PLSCR2: variants seen among roughly 807,000 people sequenced by gnomAD.
The protein encoded by PLSCR2 is phospholipid scramblase 2.
A neutral mutation model predicts 25.3 loss-of-function variants in PLSCR2; 18 were observed. The ratio of observed to expected loss-of-function variants is 0.71; its 90% CI spans 0.49 to 1.06. The LOEUF (loss-of-function observed/expected upper bound fraction) is 1.06. Ranked by LOEUF, PLSCR2 falls within the 50% of genes least tolerant of loss-of-function variation. The probability of loss-of-function intolerance (pLI) is 0.00; values close to 1 mark genes in which losing one functional copy is unlikely to be tolerated. For synonymous variants in PLSCR2, 88 were observed against 87.3 expected (o/e 1.01, Z -0.04); for missense variants, 243 against 269.5 (o/e 0.90, Z 0.69).
intron 2 of PLSCR2, among the ~76,000 whole-genome samples, chr3:146,396,799 C>T (rs190198074): frequency 3.9e-5 from 6 of 152,170 alleles, no homozygotes; most frequent in Admixed American, 6.5e-5. Flanking sequence ...ATATGGGAAA[C>T]GAGAAATATC....
intron 1 of PLSCR2, among the ~76,000 whole-genome samples, chr3:146,469,991 T>G (rs920186905): frequency 6.6e-6 from 1 of 152,090 alleles, no homozygotes; most frequent in Non-Finnish European, 1.5e-5. Context: ...TTAACTCTGC[T>G]CTTGACCTCC....
At chr3:146,482,179 G>A (rs1340547604) in intron 1 of PLSCR2, among the ~76,000 whole-genome samples, 4 of 152,146 alleles carry the variant, frequency 2.6e-5, no homozygotes, top group Non-Finnish European at 5.9e-5. Context: ...AGGACTTCAT[G>A]ACTAAAACAC....
intron 3 of PLSCR2, 110 bp from the exon 4 acceptor site, chr3:146,455,569 A>G (rs1378872667): frequency 2.9e-6 from 2 of 678,514 alleles, no homozygotes; most frequent in African/African-American, 1.8e-5. Context: ...TAGAAAGAAC[A>G]AAAAGGAATG....
chr3:146,490,208 C>G (rs2043496575), intron 1 of PLSCR2, among the ~76,000 whole-genome samples: 1 of 151,866 alleles, frequency 6.6e-6, no homozygotes, highest in South Asian at 2.1e-4. Flanking sequence ...TGTTTGTATT[C>G]AAAAGGGGGA....
chr3:146,456,969 T>C (rs1423098743), intron 3 of PLSCR2, among the ~76,000 whole-genome samples: 1 of 152,068 alleles, frequency 6.6e-6, no homozygotes, highest in Non-Finnish European at 1.5e-5. Context: ...TTGGATTTTA[T>C]AATCTTAATT....
At chr3:146,493,754 C>T (rs571482808) in intron 1 of PLSCR2, among the ~76,000 whole-genome samples, 39 of 61,828 alleles carry the variant, frequency 6.3e-4, no homozygotes, top group African/African-American at 1.8e-3. Context: ...TCTTTGATTT[C>T]TTCTTTCTGT....
chr3:146,447,888 C>CCT (rs2040652604), intron 6 of PLSCR2, among the ~76,000 whole-genome samples: 1 of 152,138 alleles, frequency 6.6e-6, no homozygotes, highest in South Asian at 2.1e-4. Context: ...GGGCAATGCC[C>CCT]CTCTGGCTAA....
chr3:146,441,994 T>C (rs779170136), intron 6 of PLSCR2, among the ~76,000 whole-genome samples, 173 bp from the exon 7 acceptor site: 2 of 152,090 alleles, frequency 1.3e-5, no homozygotes, highest in Admixed American at 6.6e-5. Context: ...CCTTCAGCTA[T>C]CTATTTTAAT....
At chr3:146,483,479 G>GTGTATA (rs571463617) in intron 1 of PLSCR2, among the ~76,000 whole-genome samples, 12 of 54,832 alleles carry the variant, frequency 2.2e-4, no homozygotes, top group East Asian at 5.9e-4. Context: ...ATATACATGT[G>GTGTATA]TATATATATA....
At chr3:146,423,282 T>TCTCTCTCTCTCCCC (rs758576585) in intron 2 of PLSCR2, among the ~76,000 whole-genome samples, 8 of 101,002 alleles carry the variant, frequency 7.9e-5, no homozygotes, top group Admixed American at 1.2e-4. Flanking sequence ...TCTCTCTCTC[T>TCTCTCTCTCTCCCC]CCCTGGCTAG....
downstream of PLSCR2, among the ~76,000 whole-genome samples, chr3:146,432,702 T>C (rs1299123333): frequency 2.0e-5 from 3 of 152,134 alleles, no homozygotes; most frequent in Admixed American, 6.6e-5. Context: ...CTAAATTTGA[T>C]TAAATGCTGC....
chr3:146,480,446 A>G (rs1360987164), intron 1 of PLSCR2, among the ~76,000 whole-genome samples: 1 of 152,208 alleles, frequency 6.6e-6, no homozygotes, highest in Non-Finnish European at 1.5e-5. Context: ...ACCATAAGAG[A>G]AAACTATAAA....
At chr3:146,490,944 G>A (rs1191153255) in intron 1 of PLSCR2, among the ~76,000 whole-genome samples, 1 of 152,092 alleles carries the variant, frequency 6.6e-6, no homozygotes, top group Non-Finnish European at 1.5e-5. Context: ...TATAGTGTCA[G>A]TGGGCTATGC....
At chr3:146,412,037 T>A (rs1321269034) in intron 2 of PLSCR2, among the ~76,000 whole-genome samples, 1 of 151,994 alleles carries the variant, frequency 6.6e-6, no homozygotes, top group South Asian at 2.1e-4. Context: ...AGAGCCAAGA[T>A]GGAGTCTGTC....
At chr3:146,482,369 A>C (rs1373544301) in intron 1 of PLSCR2, among the ~76,000 whole-genome samples, 2 of 152,214 alleles carry the variant, frequency 1.3e-5, no homozygotes, top group African/African-American at 4.8e-5. Context: ...GAACTTAAAC[A>C]AATTTACAAG....
At chr3:146,469,450 C>T in intron 1 of PLSCR2, 45 bp downstream of exon 1, 1 of 929,932 alleles carries the variant, frequency 1.1e-6, no homozygotes, top group Non-Finnish European at 1.3e-6. Context: ...TAGCCAGGCA[C>T]ACCCCAGTCC....
upstream of PLSCR2, among the ~76,000 whole-genome samples, chr3:146,462,167 T>C (rs1186930982): frequency 6.6e-6 from 1 of 152,040 alleles, no homozygotes; most frequent in Non-Finnish European, 1.5e-5. Context: ...ATTCATGGGA[T>C]ATTTCTCTTT....
chr3:146,409,181 G>A (rs1475007423), intron 2 of PLSCR2, among the ~76,000 whole-genome samples: 1 of 152,046 alleles, frequency 6.6e-6, no homozygotes. Flanking sequence ...GGGGCTGAGC[G>A]CTCGTCACCT....
At chr3:146,438,644 C>A (rs1216778542), downstream of PLSCR2, among the ~76,000 whole-genome samples, 1 of 152,022 alleles carries the variant, frequency 6.6e-6, no homozygotes, top group Non-Finnish European at 1.5e-5. Flanking sequence ...TTCCTGCATC[C>A]CTTTATTTTG....
Sources: allele counts gnomAD v4.1 joint callset (sites outside exome capture counted in the v4.1 genomes callset), GRCh38; gene constraint gnomAD v4.1.1; transcripts MANE v1.5; gene names NCBI Gene and HGNC (gene_info 2026-07-23, HGNC 2026-07-21).